The following SOX6 variants were observed in gnomAD, a reference collection of about 807,000 sequenced individuals.
SOX6 encodes the protein transcription factor SOX-6.
In SOX6, 11 loss-of-function variants were observed where a neutral mutation model predicts 97.8. The ratio of observed to expected loss-of-function variants is 0.11; its 90% CI spans 0.07 to 0.19. The LOEUF is 0.19. SOX6 is among the 10% of genes least tolerant of loss of function. The pLI is 1.00. For missense variants in SOX6, 810 were observed against 1,039.5 expected (o/e 0.78, Z 3.04); for synonymous variants, 360 against 371.4 (o/e 0.97, Z 0.35).
chr11:16,566,050 C>G (rs1465963761), intron 4 of SOX6, among the ~76,000 whole-genome samples: 6 of 145,538 alleles, frequency 4.1e-5, no homozygotes, highest in Non-Finnish European at 8.9e-5. Context: ...GAGCCGAGAT[C>G]GGGCCACTGC....
chr11:16,584,226 C>A (rs768319573), intron 4 of SOX6, among the ~76,000 whole-genome samples: 3 of 152,122 alleles, frequency 2.0e-5, no homozygotes, highest in Non-Finnish European at 2.9e-5. Context: ...ATGCATTGGA[C>A]GATCACTTAA....
chr11:16,137,587 C>T (rs1376400709), intron 6 of SOX6, among the ~76,000 whole-genome samples: 1 of 152,114 alleles, frequency 6.6e-6, no homozygotes, highest in African/African-American at 2.4e-5. Flanking sequence ...TATCAATTTT[C>T]TCATCTATCA....
chr11:16,065,798 T>G, intron 9 of SOX6, among the ~76,000 whole-genome samples: 1 of 152,110 alleles, frequency 6.6e-6, no homozygotes, highest in East Asian at 1.9e-4. Flanking sequence ...AAGACCTCAA[T>G]GTATGAAACT....
chr11:16,341,845 T>A lies in SOX6; in HGVS notation c.-4-593A>T, dbSNP rs1856647121. Among the ~76,000 whole-genome samples the A allele has an allele frequency of 2.6e-5, 4 of 152,090 alleles. No homozygotes were observed. In the South Asian group the frequency reaches 8.3e-4, roughly 31 times the overall value. On this transcript the variant is annotated intron_variant, in intron 1 of 15. Coordinates refer to ENST00000683767, the MANE Select transcript of SOX6 (RefSeq NM_001367873.1). ...CTGGGCCTAACACTACTTAGTGCCATCTAAAGCTTTTTAAAAGACCTTTGA... is the reference window on the plus strand; with the variant it reads ...CTGGGCCTAACACTACTTAGTGCCAACTAAAGCTTTTTAAAAGACCTTTGA...
chr11:16,028,448 C>T (rs1855268925), intron 12 of SOX6, among the ~76,000 whole-genome samples: 1 of 152,098 alleles, frequency 6.6e-6, no homozygotes, highest in Non-Finnish European at 1.5e-5. Context: ...AATTTTGCAC[C>T]CAGTTCCATG....
intron 3 of SOX6, among the ~76,000 whole-genome samples, chr11:16,304,688 C>A (rs902859803): frequency 6.6e-6 from 1 of 152,064 alleles, no homozygotes; most frequent in Admixed American, 6.6e-5. Flanking sequence ...CGTCTTATAT[C>A]CTGTGACCTT....
intron 13 of SOX6, among the ~76,000 whole-genome samples, chr11:16,006,252 C>T (rs985103289): frequency 3.9e-5 from 6 of 152,050 alleles, no homozygotes; most frequent in African/African-American, 1.4e-4. Flanking sequence ...AACCTAACTA[C>T]TGCATTTCCA....
At chr11:16,560,939 C>T (rs1284226168) in intron 4 of SOX6, among the ~76,000 whole-genome samples, 2 of 151,968 alleles carry the variant, frequency 1.3e-5, no homozygotes, top group Non-Finnish European at 2.9e-5. Context: ...AAAGGCATAA[C>T]AATGATATAA....
At chr11:16,706,380 C>G (rs1213471749) in intron 3 of SOX6, among the ~76,000 whole-genome samples, 30 of 140,228 alleles carry the variant, frequency 2.1e-4, no homozygotes, top group Non-Finnish European at 1.8e-4. Context: ...CCTGGGAGGT[C>G]AAGGCTGTAG....
chr11:16,179,613 T>C, intron 6 of SOX6, among the ~76,000 whole-genome samples: 1 of 151,886 alleles, frequency 6.6e-6, no homozygotes, highest in East Asian at 1.9e-4. Context: ...TGTTAAATGA[T>C]GAGGGGAGGG....
At chr11:16,705,496 A>T (rs942543912) in intron 3 of SOX6, among the ~76,000 whole-genome samples, 1 of 151,590 alleles carries the variant, frequency 6.6e-6, no homozygotes, top group Non-Finnish European at 1.5e-5. Flanking sequence ...GCATAGTGGC[A>T]TGTACCTGTG....
At chr11:15,974,902 A>T (rs1853429421) in intron 15 of SOX6, among the ~76,000 whole-genome samples, 1 of 152,168 alleles carries the variant, frequency 6.6e-6, no homozygotes, top group Admixed American at 6.5e-5. Flanking sequence ...CCATTTCCAG[A>T]TGAAGAAAAT....
At chr11:16,296,684 C>T (rs952916141) in intron 3 of SOX6, among the ~76,000 whole-genome samples, 2 of 151,960 alleles carry the variant, frequency 1.3e-5, no homozygotes, top group Non-Finnish European at 2.9e-5. Flanking sequence ...TATCAAAACA[C>T]CAACTAAGAT....
intron 2 of SOX6, among the ~76,000 whole-genome samples, chr11:16,729,878 T>C (rs1848335736): frequency 6.6e-6 from 1 of 151,946 alleles, no homozygotes; most frequent in Non-Finnish European, 1.5e-5. Flanking sequence ...GAGGAATATT[T>C]ACCAAGCAAA....
chr11:16,479,529 TAAAAAA>T (rs77854554), upstream of SOX6, among the ~76,000 whole-genome samples: 4 of 126,892 alleles, frequency 3.2e-5, no homozygotes, highest in Non-Finnish European at 5.1e-5. Flanking sequence ...GACTCTGTCT[TAAAAAA>T]AAAAAAAAAA....
chr11:16,738,473 C>T (rs1183151877), exon 1 of SOX6: 4 of 459,694 alleles, frequency 8.7e-6, no homozygotes, highest in African/African-American at 3.9e-5. Flanking sequence ...GAAGGCGGGG[C>T]CTCTGAGGGC....
At chr11:16,359,260 G>A (rs1449275885), upstream of SOX6, among the ~76,000 whole-genome samples, 1 of 151,962 alleles carries the variant, frequency 6.6e-6, no homozygotes, top group East Asian at 1.9e-4. Context: ...AAAGAATATG[G>A]TTACATTCCA....
chr11:16,212,736 T>G (rs906166724), intron 4 of SOX6, among the ~76,000 whole-genome samples: 1 of 152,184 alleles, frequency 6.6e-6, no homozygotes, highest in African/African-American at 2.4e-5. Context: ...CTCCTCACAC[T>G]TAATTTTTTT....
intron 1 of SOX6, among the ~76,000 whole-genome samples, chr11:16,380,129 T>C (rs543100369): frequency 6.6e-6 from 1 of 152,060 alleles, no homozygotes; most frequent in South Asian, 2.1e-4. Context: ...TTTATTTTTA[T>C]ATGTATTGCC....
Sources: allele counts gnomAD v4.1 joint callset (sites outside exome capture counted in the v4.1 genomes callset), GRCh38; gene constraint gnomAD v4.1.1; transcripts MANE v1.5; gene names NCBI Gene and HGNC (gene_info 2026-07-23, HGNC 2026-07-21).